LRRC49: variants seen among roughly 807,000 people sequenced by gnomAD.
LRRC49 encodes the protein leucine-rich repeat-containing protein 49.
LRRC49 carries 50 observed loss-of-function variants against 83.3 expected under a neutral mutation model. That is an observed-to-expected ratio of 0.60 (90% CI 0.48 to 0.76). The LOEUF is 0.76. Ranked by LOEUF, LRRC49 falls within the 30% of genes least tolerant of loss-of-function variation. The pLI, the probability that LRRC49 is intolerant of heterozygous loss-of-function variation, is 0.00. For missense variants in LRRC49, 704 were observed against 809.1 expected, an observed-to-expected ratio of 0.87 and a Z score of 1.58; for synonymous variants, 286 against 283.3, an observed-to-expected ratio of 1.01 and a Z score of -0.10.
Position 70,892,839 on chromosome 15 carries a change from C to A in LRRC49, c.-56C>A. 2 of 1,614,126 alleles carry A rather than the reference C, an allele frequency of 1.2e-6. No homozygotes were observed. The highest frequency in any genetic ancestry group is 1.7e-6 in the Non-Finnish European group (2 of 1,180,012). Reference sequence around the variant, plus strand: ...CCTCTTTCGGGTCTCTTTGAATCTCCGCTGTAGCGTCACCTGGAAGGCAGA... The same window carrying A: ...CCTCTTTCGGGTCTCTTTGAATCTCAGCTGTAGCGTCACCTGGAAGGCAGA... On this transcript the variant is annotated 5_prime_UTR_variant, in exon 1 of 16. Transcript: ENST00000260382.
In LRRC49 at chr15:71,049,708, T is replaced by C; in HGVS notation, c.*96T>C. On this transcript the variant is annotated 3_prime_UTR_variant, in exon 16 of 16. Transcript: ENST00000260382. ...TGTTAAAACAACAACAACACTATCC[T>C]ATAAACTAGAAAGACTAGTATAAAA... is the stretch of plus-strand genomic sequence containing the variant. 2.6e-6 allele frequency: 2 copies of C among 757,512 alleles called. No individual in the cohort carries two copies. Among genetic ancestry groups the C allele is most frequent in the Non-Finnish European group, 4.3e-6 (2 of 461,392 alleles). The allele number at this position is 757,512 out of a possible 1,614,324, so 46.9% of individuals were successfully genotyped here. A position where few individuals can be genotyped will look rare whatever the true frequency, so the allele number is the denominator to read the frequency against.
intron 14 of LRRC49, among the ~76,000 whole-genome samples, chr15:71,025,517 A>G (rs1283053844): frequency 6.6e-6 from 1 of 152,188 alleles, no homozygotes; most frequent in Non-Finnish European, 1.5e-5. Flanking sequence ...ACACAAAACA[A>G]TATTAACCTT....
chr15:70,933,606 G>A (rs896870649), intron 7 of LRRC49, among the ~76,000 whole-genome samples: 4 of 152,230 alleles, frequency 2.6e-5, no homozygotes, highest in Middle Eastern at 3.4e-3. Flanking sequence ...GCAGAGTACC[G>A]CCAGAATGAC....
chr15:70,984,298 A>C, intron 11 of LRRC49, 41 bp downstream of exon 11: 1 of 1,496,208 alleles, frequency 6.7e-7, no homozygotes, highest in Non-Finnish European at 9.0e-7. Context: ...CATCTTTGAT[A>C]ATTGAATTTG....
At chr15:70,981,333 G>A (rs145032740) in intron 10 of LRRC49, among the ~76,000 whole-genome samples, 1,680 of 148,842 alleles carry the variant, frequency 0.011, 36 homozygotes, top group African/African-American at 0.039. Flanking sequence ...ATCACACACC[G>A]GGGCCTGTTG....
chr15:70,939,963 G>C (rs919974349), intron 8 of LRRC49, among the ~76,000 whole-genome samples: 14 of 150,774 alleles, frequency 9.3e-5, no homozygotes, highest in Admixed American at 3.3e-4. Flanking sequence ...CACACGCTTT[G>C]GGGTGTGACT....
chr15:70,954,246 A>C (rs976140976), intron 8 of LRRC49, among the ~76,000 whole-genome samples: 5 of 151,984 alleles, frequency 3.3e-5, no homozygotes, highest in African/African-American at 1.2e-4. Context: ...TAATGCATCC[A>C]ATTGTATTTT....
chr15:70,925,106 T>G (rs553906627), intron 7 of LRRC49, among the ~76,000 whole-genome samples: 2 of 152,228 alleles, frequency 1.3e-5, no homozygotes, highest in South Asian at 4.1e-4. Flanking sequence ...TTACAATCTA[T>G]AGCATGCTTA....
chr15:71,048,777 T>C, intron 15 of LRRC49: 1 of 456,026 alleles, frequency 2.2e-6, no homozygotes, highest in South Asian at 1.5e-5. Context: ...AGGTTTTTCA[T>C]TTTCACACTG....
At chr15:70,875,444 C>T (rs913749769) in intron 2 of LRRC49, among the ~76,000 whole-genome samples, 6 of 152,140 alleles carry the variant, frequency 3.9e-5, no homozygotes, top group African/African-American at 1.4e-4. Flanking sequence ...ATTTAATTCT[C>T]ACAACAAACC....
chr15:71,034,148 C>T (rs1187699846), intron 14 of LRRC49, among the ~76,000 whole-genome samples: 1 of 151,756 alleles, frequency 6.6e-6, no homozygotes, highest in African/African-American at 2.4e-5. Context: ...CTGACAAAGG[C>T]CTAATATCCA....
chr15:70,872,158 C>A (rs1295768783), intron 1 of LRRC49, among the ~76,000 whole-genome samples: 1 of 152,246 alleles, frequency 6.6e-6, no homozygotes. Context: ...CCTCGGGAGG[C>A]CGAAGCTGGC....
intron 7 of LRRC49, chr15:70,936,523 C>G (rs1295530546): frequency 2.4e-6 from 1 of 413,348 alleles, no homozygotes; most frequent in African/African-American, 2.0e-5. Flanking sequence ...CAGCGTCTCT[C>G]CCTGTCTCCT....
upstream of LRRC49, among the ~76,000 whole-genome samples, chr15:70,888,305 CT>C (rs1326267328): frequency 6.6e-6 from 1 of 152,122 alleles, no homozygotes; most frequent in African/African-American, 2.4e-5. Flanking sequence ...CACTGTGATA[CT>C]TTTGCTTAGG....
At chr15:71,033,415 A>C (rs944652446) in intron 14 of LRRC49, among the ~76,000 whole-genome samples, 47 of 152,244 alleles carry the variant, frequency 3.1e-4, no homozygotes, top group African/African-American at 1.0e-3. Flanking sequence ...AAAACATTCC[A>C]TGCTCATGGA....
chr15:71,043,914 TA>T (rs562903148), intron 15 of LRRC49, among the ~76,000 whole-genome samples: 2 of 152,234 alleles, frequency 1.3e-5, no homozygotes, highest in Non-Finnish European at 2.9e-5. Flanking sequence ...CCAATCTTAA[TA>T]ATAGAATTTT....
At chr15:70,901,669 A>G (rs1235233074) in intron 4 of LRRC49, among the ~76,000 whole-genome samples, 1 of 152,116 alleles carries the variant, frequency 6.6e-6, no homozygotes, top group Non-Finnish European at 1.5e-5. Flanking sequence ...CTTAGCATTT[A>G]TTACCCTATA....
intron 11 of LRRC49, among the ~76,000 whole-genome samples, chr15:70,994,421 T>A (rs2038007161): frequency 2.0e-5 from 3 of 152,136 alleles, no homozygotes; most frequent in Non-Finnish European, 4.4e-5. Flanking sequence ...CCACTGTTCT[T>A]TTCAAGTTTC....
intron 11 of LRRC49, among the ~76,000 whole-genome samples, chr15:71,001,316 T>C (rs1219299162): frequency 6.6e-6 from 1 of 152,198 alleles, no homozygotes; most frequent in East Asian, 1.9e-4. Flanking sequence ...GAGACTTTTG[T>C]TGGCAGTGAG....
Sources: allele counts gnomAD v4.1 joint callset (sites outside exome capture counted in the v4.1 genomes callset), GRCh38; gene constraint gnomAD v4.1.1; transcripts MANE v1.5; gene names NCBI Gene and HGNC (gene_info 2026-07-23, HGNC 2026-07-21).